Variants in ZBTB20 observed in about 807,000 individuals in gnomAD.
ZBTB20 encodes zinc finger and BTB domain containing 20, also known as zinc finger and BTB domain-containing protein 20.
In ZBTB20, 9 loss-of-function variants were observed where a neutral mutation model predicts 56.9. The observed-to-expected ratio is 0.16, with a 90% CI of 0.10 to 0.28. ZBTB20 has a LOEUF of 0.28. Among genes scored for constraint, ZBTB20 ranks in the 10% least tolerant of loss-of-function variants. ZBTB20 has a pLI of 1.00. For missense variants in ZBTB20, 655 were observed against 1,003.0 expected (o/e 0.65, Z 4.69); for synonymous variants, 417 against 420.7 (o/e 0.99, Z 0.11).
At chr3:114,980,070 C>T (rs1269552992) in intron 2 of ZBTB20, among the ~76,000 whole-genome samples, 1 of 151,962 alleles carries the variant, frequency 6.6e-6, no homozygotes, top group Non-Finnish European at 1.5e-5. Context: ...AGATTAGGTA[C>T]TAAATACTGT....
chr3:114,766,384 A>G (rs1206225613), intron 5 of ZBTB20, among the ~76,000 whole-genome samples: 2 of 152,120 alleles, frequency 1.3e-5, no homozygotes, highest in South Asian at 4.1e-4. Flanking sequence ...CATCTAGTGC[A>G]AGAATTAAGC....
At chr3:114,546,903 T>C (rs2049955762) in intron 6 of ZBTB20, among the ~76,000 whole-genome samples, 1 of 151,988 alleles carries the variant, frequency 6.6e-6, no homozygotes, top group East Asian at 1.9e-4. Flanking sequence ...GAGAGAAGAA[T>C]ACCATAGAGT....
chr3:114,521,842 G>C (rs761452870), intron 6 of ZBTB20, among the ~76,000 whole-genome samples: 6 of 152,108 alleles, frequency 3.9e-5, no homozygotes, highest in Non-Finnish European at 8.8e-5. Flanking sequence ...AGAAAATTTT[G>C]CCATGGAGAA....
chr3:114,518,294 G>A (rs567846191), intron 6 of ZBTB20, among the ~76,000 whole-genome samples: 1 of 151,822 alleles, frequency 6.6e-6, no homozygotes, highest in South Asian at 2.1e-4. Context: ...ACAAGAGAAG[G>A]ACTCTCCAGA....
chr3:114,407,380 T>C (rs2087439422), intron 7 of ZBTB20, among the ~76,000 whole-genome samples: 1 of 152,198 alleles, frequency 6.6e-6, no homozygotes, highest in South Asian at 2.1e-4. Context: ...GTGAAACATT[T>C]ATGCACTTTT....
At chr3:114,946,529 G>A (rs1255967957) in intron 3 of ZBTB20, among the ~76,000 whole-genome samples, 1 of 145,088 alleles carries the variant, frequency 6.9e-6, no homozygotes, top group Non-Finnish European at 1.5e-5. Flanking sequence ...TGAAAAAATG[G>A]AGTATTGTTA....
intron 4 of ZBTB20, among the ~76,000 whole-genome samples, chr3:114,844,520 C>CA (rs71146342): frequency 0.031 from 710 of 22,752 alleles, 198 homozygotes; most frequent in African/African-American, 0.12. Flanking sequence ...GTCCCTGTCT[C>CA]AAAAAAAAAA....
intron 6 of ZBTB20, among the ~76,000 whole-genome samples, chr3:114,628,895 T>C (rs1439922636): frequency 1.3e-5 from 2 of 152,176 alleles, no homozygotes; most frequent in Non-Finnish European, 2.9e-5. Context: ...ATTTGATCAC[T>C]ATGTTCATCC....
intron 4 of ZBTB20, among the ~76,000 whole-genome samples, chr3:114,823,842 T>C (rs2073378486): frequency 6.6e-6 from 1 of 152,052 alleles, no homozygotes; most frequent in Admixed American, 6.6e-5. Context: ...TTGAGTCTAT[T>C]TTTTTCAAAA....
At chr3:114,437,971 A>G (rs915820727) in intron 7 of ZBTB20, among the ~76,000 whole-genome samples, 1 of 152,106 alleles carries the variant, frequency 6.6e-6, no homozygotes, top group Non-Finnish European at 1.5e-5. Flanking sequence ...CACACTCATC[A>G]ATGTGGTGGC....
At chr3:114,561,730 G>A (rs892479610) in intron 6 of ZBTB20, among the ~76,000 whole-genome samples, 1 of 151,906 alleles carries the variant, frequency 6.6e-6, no homozygotes, top group African/African-American at 2.4e-5. Context: ...AGAGCCCTAG[G>A]ATTTTCTAAA....
intron 6 of ZBTB20, among the ~76,000 whole-genome samples, chr3:114,638,850 T>C (rs1674211616): frequency 6.6e-6 from 1 of 152,078 alleles, no homozygotes; most frequent in African/African-American, 2.4e-5. Flanking sequence ...AATAAGACAG[T>C]AGAATAAGCC....
At chr3:114,505,703 A>T (rs2044527647) in intron 6 of ZBTB20, among the ~76,000 whole-genome samples, 1 of 152,132 alleles carries the variant, frequency 6.6e-6, no homozygotes, top group African/African-American at 2.4e-5. Context: ...GAGTCATTCC[A>T]AATAGTAGGA....
chr3:114,946,520 G>GA (rs1160326235), intron 3 of ZBTB20, among the ~76,000 whole-genome samples: 2 of 145,000 alleles, frequency 1.4e-5, no homozygotes, highest in Non-Finnish European at 3.0e-5. Context: ...TAACAGGAAT[G>GA]AAAAAATGGA....
intron 2 of ZBTB20, among the ~76,000 whole-genome samples, chr3:115,069,442 G>A (rs536610414): frequency 1.3e-5 from 2 of 152,224 alleles, no homozygotes; most frequent in African/African-American, 4.8e-5. Context: ...CCACTAATAT[G>A]CCACGAACTC....
chr3:114,594,456 G>T, intron 6 of ZBTB20, among the ~76,000 whole-genome samples: 1 of 151,670 alleles, frequency 6.6e-6, no homozygotes, highest in East Asian at 1.9e-4. Flanking sequence ...TAGTAGAGAC[G>T]GGGTTTCACT....
At chr3:114,888,303 G>A (rs2076681306) in intron 4 of ZBTB20, among the ~76,000 whole-genome samples, 1 of 151,970 alleles carries the variant, frequency 6.6e-6, no homozygotes, top group Non-Finnish European at 1.5e-5. Context: ...CACACCTGTA[G>A]TCCCAGCTAC....
intron 7 of ZBTB20, among the ~76,000 whole-genome samples, chr3:114,483,646 T>C (rs1185973274): frequency 3.3e-5 from 5 of 152,162 alleles, no homozygotes; most frequent in East Asian, 1.9e-4. Context: ...CTGAACGATA[T>C]GTAAGTGACT....
chr3:114,545,031 G>A (rs1196176153), intron 6 of ZBTB20, among the ~76,000 whole-genome samples: 2 of 152,188 alleles, frequency 1.3e-5, no homozygotes, highest in East Asian at 3.9e-4. Flanking sequence ...GTTGACATAT[G>A]TATGAAAATA....
Sources: allele counts gnomAD v4.1 joint callset (sites outside exome capture counted in the v4.1 genomes callset), GRCh38; gene constraint gnomAD v4.1.1; transcripts MANE v1.5; gene names NCBI Gene and HGNC (gene_info 2026-07-23, HGNC 2026-07-21).